The following CCDC148 variants were observed in gnomAD, a reference collection of about 807,000 sequenced individuals.
CCDC148 encodes the protein coiled-coil domain containing 148.
CCDC148 carries 89 observed loss-of-function variants against 85.7 expected under a neutral mutation model. That is an observed-to-expected ratio of 1.04 (90% CI 0.87 to 1.24). The LOEUF is 1.24. CCDC148 is among the 50% of genes most tolerant of loss of function. The pLI, the probability that CCDC148 is intolerant of heterozygous loss-of-function variation, is 0.00. For missense variants in CCDC148, 692 were observed against 671.7 expected, an observed-to-expected ratio of 1.03 and a Z score of -0.33; for synonymous variants, 230 against 213.9, an observed-to-expected ratio of 1.08 and a Z score of -0.66.
chr2:158,408,803 C>T (rs1346810142), intron 1 of CCDC148, among the ~76,000 whole-genome samples: 1 of 151,836 alleles, frequency 6.6e-6, no homozygotes, highest in Non-Finnish European at 1.5e-5. Context: ...ATTTACATCC[C>T]CACCAATAAT....
At chr2:158,331,545 C>G (rs1437801045) in intron 7 of CCDC148, among the ~76,000 whole-genome samples, 1 of 152,248 alleles carries the variant, frequency 6.6e-6, no homozygotes, top group African/African-American at 2.4e-5. Flanking sequence ...GAGCTGAGTT[C>G]AAATCCTGGG....
chr2:158,293,959 TCCCTCCCTCCCTCCCCCCCC>T (rs1559049556), intron 9 of CCDC148, among the ~76,000 whole-genome samples: 2 of 15,658 alleles, frequency 1.3e-4, no homozygotes, highest in African/African-American at 5.0e-4. Flanking sequence ...CCCCTCTCCC[TCCCTCCCTCCCTCCCCCCCC>T]CCCTCCCTCC....
intron 1 of CCDC148, among the ~76,000 whole-genome samples, chr2:158,394,939 C>A (rs541557328): frequency 6.6e-6 from 1 of 152,188 alleles, no homozygotes; most frequent in Non-Finnish European, 1.5e-5. Context: ...AGTCCATAAT[C>A]CTATCCCTTA....
rs554606298 is a variant in CCDC148 at position 158,240,541 on chromosome 2, A to G, written c.1251+10231T>C. Among the ~76,000 whole-genome samples the G allele has an allele frequency of 2.1e-4, 32 of 151,786 alleles. 1 individual carries two copies. The South Asian group carries it at 6.5e-3, about 31-fold the overall frequency. The stretch of plus-strand genomic sequence containing the variant: ...TCTGTTACACAAGGTTAACAAGGAG[A>G]GTCATGAGGGAAAAGGACCTGGAAG... On this transcript the variant is annotated intron_variant, in intron 10 of 13. Coordinates refer to ENST00000283233, the MANE Select transcript of CCDC148 (RefSeq NM_138803.4).
chr2:158,353,813 C>A (rs1683465007), intron 2 of CCDC148, among the ~76,000 whole-genome samples: 1 of 152,042 alleles, frequency 6.6e-6, no homozygotes, highest in Admixed American at 6.6e-5. Flanking sequence ...CCAAAATTGA[C>A]CATATAGTTG....
chr2:158,377,767 G>T (rs1684714307), intron 1 of CCDC148, among the ~76,000 whole-genome samples: 1 of 151,956 alleles, frequency 6.6e-6, no homozygotes, highest in African/African-American at 2.4e-5. Context: ...ATTTATTATG[G>T]TGATCTATGA....
Position 158,456,637 on chromosome 2 carries a change from G to A in CCDC148, c.-198C>T. ...GCCTGCCCCAGATTTCAGAGCCAGC[G>A]CTGGGGAATCTCCCTGTCCTCTCCG... On this transcript the variant is annotated 5_prime_UTR_variant, in exon 1 of 14. Transcript: ENST00000283233. 1 of 671,694 alleles carries A rather than the reference G, an allele frequency of 1.5e-6. No homozygotes were observed. Among genetic ancestry groups the A allele is most frequent in the Non-Finnish European group, 2.5e-6 (1 of 401,182 alleles). The allele number at this position is 671,694 out of a possible 1,614,324, so 41.6% of individuals were successfully genotyped here. A position where few individuals can be genotyped will look rare whatever the true frequency, so the allele number is the denominator to read the frequency against.
intron 7 of CCDC148, among the ~76,000 whole-genome samples, chr2:158,331,490 TG>T (rs1411384275): frequency 2.0e-5 from 3 of 152,218 alleles, no homozygotes; most frequent in African/African-American, 7.2e-5. Context: ...TCTGTTGATT[TG>T]GGGTGGAGAG....
At chr2:158,341,309 A>ATTTTTTTTTTT (rs10552652) in intron 3 of CCDC148, among the ~76,000 whole-genome samples, 1 of 138,790 alleles carries the variant, frequency 7.2e-6, no homozygotes. Flanking sequence ...GTACATACAT[A>ATTTTTTTTTTT]TTTTTTTTTT....
At chr2:158,181,798 G>A (rs924547974) in intron 11 of CCDC148, among the ~76,000 whole-genome samples, 6 of 151,956 alleles carry the variant, frequency 3.9e-5, no homozygotes, top group African/African-American at 1.4e-4. Context: ...GAAGCAAGAG[G>A]GGCTGGACTG....
At chr2:158,429,537 A>G (rs1362229734) in intron 1 of CCDC148, among the ~76,000 whole-genome samples, 1 of 152,198 alleles carries the variant, frequency 6.6e-6, no homozygotes, top group Non-Finnish European at 1.5e-5. Context: ...TATTCTAGGA[A>G]CTAGTGGAAG....
chr2:158,226,171 G>T (rs1001864452), intron 10 of CCDC148, among the ~76,000 whole-genome samples: 1 of 152,032 alleles, frequency 6.6e-6, no homozygotes, highest in Admixed American at 6.6e-5. Context: ...AGAATACTAT[G>T]AACACCTCTA....
intron 7 of CCDC148, among the ~76,000 whole-genome samples, chr2:158,326,797 G>T (rs1692798979): frequency 6.6e-6 from 1 of 151,906 alleles, no homozygotes; most frequent in Non-Finnish European, 1.5e-5. Flanking sequence ...TACTCCCCCA[G>T]GCATCTGGCT....
At chr2:158,263,583 T>C (rs986542458) in intron 9 of CCDC148, among the ~76,000 whole-genome samples, 3 of 152,130 alleles carry the variant, frequency 2.0e-5, no homozygotes, top group South Asian at 2.1e-4. Flanking sequence ...CTTACAAACA[T>C]CCCTTTAAAA....
At position 158,282,305 on chromosome 2, in the gene CCDC148, G is replaced by C. The variant is rs1690361441; in HGVS notation, c.1110+27128C>G. 2.0e-5 allele frequency among the ~76,000 whole-genome samples: 3 copies of C among 152,250 alleles called. 1 individual carries two copies. In the East Asian group the frequency reaches 5.8e-4, roughly 29 times the overall value. On this transcript the variant is annotated intron_variant, in intron 9 of 13. Transcript: ENST00000283233. ...CAATCAGGCAGAAGAAGGAAATAAA[G>C]GGTATTCAATTAGGAAAAGAGGAAG... is the stretch of plus-strand genomic sequence containing the variant.
intron 3 of CCDC148, among the ~76,000 whole-genome samples, chr2:158,343,125 T>C (rs1424348741): frequency 1.3e-5 from 2 of 152,176 alleles, no homozygotes; most frequent in Non-Finnish European, 2.9e-5. Context: ...GCTGAAGTGA[T>C]CCTCCTGCCT....
At chr2:158,265,555 A>C (rs1270290109) in intron 9 of CCDC148, among the ~76,000 whole-genome samples, 1 of 152,114 alleles carries the variant, frequency 6.6e-6, no homozygotes, top group African/African-American at 2.4e-5. Flanking sequence ...TCTAACTTAT[A>C]ATTTATAAGT....
At chr2:158,443,278 T>C (rs1045109157) in intron 1 of CCDC148, among the ~76,000 whole-genome samples, 1 of 151,584 alleles carries the variant, frequency 6.6e-6, no homozygotes, top group Non-Finnish European at 1.5e-5. Context: ...GTGGGAGGAT[T>C]CTGGCCAGAA....
At chr2:158,408,166 T>A (rs1686104843) in intron 1 of CCDC148, among the ~76,000 whole-genome samples, 1 of 152,182 alleles carries the variant, frequency 6.6e-6, no homozygotes, top group African/African-American at 2.4e-5. Flanking sequence ...GATATATACA[T>A]ACAATGTGTA....
Sources: gnomAD v4.1 joint callset for allele counts (sites outside exome capture counted in the v4.1 genomes callset) on GRCh38, gnomAD v4.1.1 for gene constraint, MANE v1.5 for transcripts, NCBI Gene and HGNC (gene_info 2026-07-23, HGNC 2026-07-21) for gene names.